The following ZER1 variants were observed in gnomAD, a reference collection of about 807,000 sequenced individuals.
ZER1 encodes the protein zyg-11 related cell cycle regulator.
A neutral mutation model predicts 78.8 loss-of-function variants in ZER1; 11 were observed. The ratio of observed to expected loss-of-function variants is 0.14; its 90% CI spans 0.09 to 0.23. ZER1 has a LOEUF of 0.23. Ranked by LOEUF, ZER1 falls within the 10% of genes least tolerant of loss-of-function variation. The pLI is 1.00. For synonymous variants in ZER1, 400 were observed against 407.0 expected (o/e 0.98, Z 0.21); for missense variants, 588 against 996.9 (o/e 0.59, Z 5.52).
intron 13 of ZER1, among the ~76,000 whole-genome samples, chr9:128,737,999 G>A (rs374335116): frequency 1.7e-3 from 251 of 151,742 alleles, no homozygotes; most frequent in African/African-American, 5.6e-3. Flanking sequence ...CACTGTGCCC[G>A]GCCCTGTTTT....
In ZER1 at chr9:128,742,760, G is replaced by T. The variant is rs1292120447; in HGVS notation, c.1360-15C>A. Reference sequence around the variant, plus strand: ...TTCCGCTGCACCTGGGCCGGGACAGGACACAAGTGGGGCACATTCAGGGTC... The same window carrying T: ...TTCCGCTGCACCTGGGCCGGGACAGTACACAAGTGGGGCACATTCAGGGTC... On this transcript the variant is annotated splice_polypyrimidine_tract_variant and intron_variant, in intron 8 of 15. Transcript: ENST00000291900. The T allele has an allele frequency of 1.9e-6, 3 of 1,588,916 alleles. No individual in the cohort carries two copies. The highest frequency in any genetic ancestry group is 1.1e-5 in the South Asian group (1 of 88,438).
chr9:128,768,446 G>C (rs1864283022), intron 1 of ZER1, among the ~76,000 whole-genome samples: 1 of 152,116 alleles, frequency 6.6e-6, no homozygotes, highest in Non-Finnish European at 1.5e-5. Flanking sequence ...GCAAGGGAAG[G>C]CCATTATTCT....
At chr9:128,733,665 G>A in intron 14 of ZER1, 137 bp from the exon 15 acceptor site, 1 of 715,250 alleles carries the variant, frequency 1.4e-6, no homozygotes, top group Non-Finnish European at 2.3e-6. Context: ...GGCAGTGCTA[G>A]AAATGGGGGC....
rs200535505 is a variant in ZER1 at position 128,731,379 on chromosome 9, G to A, written c.2259C>T (p.His753=). 3.3e-5 allele frequency: 53 copies of A among 1,610,876 alleles called. No homozygotes were observed. In the East Asian group the frequency reaches 1.2e-3, roughly 36 times the overall value. ...TGTTCTCCTCTTTAAAGTTACTGCA[G>A]TGCTCAATCACCTTGCTGGAGACAA... ...TKEMARKVIE[H]CSNFKEENMD... is the part of the protein sequence containing the mutation. Residue 753 remains histidine, a synonymous_variant, in exon 16 of 16, where the codon CAC becomes CAT. Transcript: ENST00000291900.
chr9:128,753,243 T>C lies in ZER1; in HGVS notation c.667A>G (p.Ser223Gly). ...DAAFLTQWKD[S>G]LVSLVLYNMD... is the part of the protein sequence containing the mutation. ...TTGTAGAGGACGAGGGACACCAGGC[T>C]GTCTTTCCACTGGGTGAGGAAGGCG... Residue 223 changes from serine to glycine, a missense_variant, in exon 4 of 16, where the codon AGC (serine) becomes GGC (glycine). Physicochemically the swap from Ser to Gly is moderately conservative, Grantham distance 56. This residue lies in a region of ZER1 where 406 missense variants were observed against 660.1 expected (regional missense o/e 0.62). Transcript: ENST00000291900. This position sits in a 1 kb window ranked among gnomAD's most constrained non-coding sequence, Gnocchi z 7.5. The C allele has an allele frequency of 6.3e-7, 1 of 1,595,278 alleles. No homozygotes were observed.
rs1301484995 is a variant in ZER1, at chr9:128,753,634, C to T, written c.310-34G>A. ...GGGCACAGCTCCATCATCATCACCA[C>T]CCTTGCCCCTTCCCCCGGCCCCAGG... On this transcript the variant is annotated intron_variant, in intron 3 of 15. Transcript: ENST00000291900. This position sits in a 1 kb window ranked among gnomAD's most constrained non-coding sequence, Gnocchi z 7.5. 3 of 1,600,974 alleles carry T rather than the reference C, an allele frequency of 1.9e-6. No homozygotes were observed. The highest frequency in any genetic ancestry group is 2.6e-6 in the Non-Finnish European group (3 of 1,172,884).
intron 15 of ZER1, 142 bp from the exon 16 acceptor site, chr9:128,731,536 G>T: frequency 1.5e-6 from 1 of 659,282 alleles, no homozygotes; most frequent in Non-Finnish European, 2.6e-6. Context: ...AGAGGGGCTG[G>T]CAGAGTGGCT....
chr9:128,736,549 A>G (rs984070014), intron 13 of ZER1, among the ~76,000 whole-genome samples: 1 of 148,360 alleles, frequency 6.7e-6, no homozygotes, highest in African/African-American at 2.5e-5. Flanking sequence ...GCATGCCACC[A>G]TGCCCAGCTA....
intron 1 of ZER1, among the ~76,000 whole-genome samples, chr9:128,766,170 G>C (rs988746219): frequency 6.6e-6 from 1 of 152,052 alleles, no homozygotes; most frequent in Non-Finnish European, 1.5e-5. Flanking sequence ...CCAACATGGT[G>C]AAACCCTGTC....
intron 11 of ZER1, among the ~76,000 whole-genome samples, chr9:128,741,240 C>T (rs1471764488): frequency 6.6e-6 from 1 of 152,236 alleles, no homozygotes; most frequent in Non-Finnish European, 1.5e-5. Flanking sequence ...CGCTGTCCAG[C>T]TCGTAGCGTA....
At chr9:128,733,384 T>A in intron 15 of ZER1, 42 bp downstream of exon 15, 1 of 1,596,338 alleles carries the variant, frequency 6.3e-7, no homozygotes, top group Admixed American at 1.7e-5. Flanking sequence ...CTTACTCCCC[T>A]AAACCAAGGT....
Position 128,755,347 on chromosome 9 carries a change from A to G in ZER1, c.158+61T>C. The G allele has an allele frequency of 4.4e-6, 7 of 1,596,868 alleles. No individual in the cohort carries two copies. The highest frequency in any genetic ancestry group is 6.0e-6 in the Non-Finnish European group (7 of 1,166,264). On this transcript the variant is annotated intron_variant, in intron 2 of 15. Coordinates refer to ENST00000291900, the MANE Select transcript of ZER1 (RefSeq NM_006336.4). This position sits in a 1 kb window ranked among gnomAD's most constrained non-coding sequence, Gnocchi z 5.6. ...CCCCACATAGTGCACACACGGTCCC[A>G]ATCTCTCTATACACATTCATGGTAA...
rs773838267 is a variant in ZER1, at chr9:128,750,844, C to G, written c.1186-55G>C. ...GCAAGTGCAGGGAGAGGCCTGGGCT[C>G]TGCAAGGGGCTGGAACAGGCTCTCT... On this transcript the variant is annotated intron_variant, in intron 7 of 15. Coordinates refer to ENST00000291900, the MANE Select transcript of ZER1 (RefSeq NM_006336.4). 5.6e-6 allele frequency: 9 copies of G among 1,602,728 alleles called. No homozygotes were observed. In the South Asian group the frequency reaches 8.9e-5, roughly 16 times the overall value.
chr9:128,735,322 G>T lies in ZER1; in HGVS notation c.2140+12C>A. ...GGATGAGTGTCTGAACCCAGGACAA[G>T]TTGGCACTCACGGTAGACAGACACG... On this transcript the variant is annotated intron_variant, in intron 14 of 15. Transcript: ENST00000291900. 6.2e-7 allele frequency: 1 copy of T among 1,610,306 alleles called. No individual in the cohort carries two copies. The highest frequency in any genetic ancestry group is 8.5e-7 in the Non-Finnish European group (1 of 1,178,176).
At position 128,731,260 on chromosome 9, in the gene ZER1, C is replaced by A; in HGVS notation, c.*77G>T. The stretch of plus-strand genomic sequence containing the variant: ...CGTGGGAGGCTCCCTCGGAAGGGGC[C>A]CGCCCGCTGGGCTGCTTGAGCATGC... On this transcript the variant is annotated 3_prime_UTR_variant, in exon 16 of 16. Transcript: ENST00000291900. 6.7e-7 allele frequency: 1 copy of A among 1,488,304 alleles called. No individual in the cohort carries two copies. 92.2% of individuals were successfully genotyped at this position (1,488,304 alleles called of 1,614,324 possible). A position where few individuals can be genotyped will look rare whatever the true frequency, so the allele number is the denominator to read the frequency against.
At chr9:128,734,144 A>AATATATATATATATATATAT (rs1220785593) in intron 14 of ZER1, among the ~76,000 whole-genome samples, 32 of 14,306 alleles carry the variant, frequency 2.2e-3, no homozygotes, top group East Asian at 4.0e-3. Context: ...AAAAAAAAAA[A>AATATATATATATATATATAT]ATATATATAT....
chr9:128,741,946 G>A, intron 9 of ZER1, 105 bp from the exon 10 acceptor site: 1 of 1,416,900 alleles, frequency 7.1e-7, no homozygotes, highest in Non-Finnish European at 9.9e-7. Flanking sequence ...GCTAGTTCAG[G>A]AGTCTTGACG....
intron 13 of ZER1, among the ~76,000 whole-genome samples, chr9:128,736,313 T>C (rs2132394697): frequency 6.6e-6 from 1 of 152,188 alleles, no homozygotes; most frequent in African/African-American, 2.4e-5. Context: ...TTCGAACTCC[T>C]GACCTCAAGT....
intron 1 of ZER1, among the ~76,000 whole-genome samples, chr9:128,759,193 C>T (rs570311264): frequency 2.6e-4 from 39 of 150,126 alleles, no homozygotes; most frequent in Non-Finnish European, 4.7e-4. Context: ...TCTTTTGAGA[C>T]GGAGTCTAAC....
Sources: allele counts gnomAD v4.1 joint callset (sites outside exome capture counted in the v4.1 genomes callset), GRCh38; gene constraint gnomAD v4.1.1; regional missense constraint gnomAD v4.1.1; non-coding constraint Gnocchi (gnomAD v3.1); transcripts MANE v1.5; gene names NCBI Gene and HGNC (gene_info 2026-07-23, HGNC 2026-07-21).